The following SPTLC2 variants were observed in gnomAD, a reference collection of about 807,000 sequenced individuals.
SPTLC2 encodes the protein serine palmitoyltransferase long chain base subunit 2.
Under a neutral mutation model 62.0 loss-of-function variants are expected in SPTLC2, and 21 were observed. The observed-to-expected ratio is 0.34, with a 90% CI of 0.24 to 0.49. The LOEUF (loss-of-function observed/expected upper bound fraction) is 0.49. Ranked by LOEUF, SPTLC2 falls within the 20% of genes least tolerant of loss-of-function variation. The pLI is 0.99. For missense variants in SPTLC2, 511 were observed against 713.0 expected, an observed-to-expected ratio of 0.72 and a Z score of 3.23; for synonymous variants, 261 against 261.8, an observed-to-expected ratio of 1.00 and a Z score of 0.03.
chr14:77,563,992 C>A (rs1207293589), intron 5 of SPTLC2, among the ~76,000 whole-genome samples: 3 of 152,046 alleles, frequency 2.0e-5, no homozygotes, highest in Non-Finnish European at 4.4e-5. Flanking sequence ...TGGCTCATGC[C>A]TGTAATCCTG....
chr14:77,570,222 C>CAAAAAAAAAAAAAAAAAAAAAA (rs35086251), intron 5 of SPTLC2, among the ~76,000 whole-genome samples, 162 bp downstream of exon 5: 1 of 111,404 alleles, frequency 9.0e-6, no homozygotes. Context: ...GACTCCATCT[C>CAAAAAAAAAAAAAAAAAAAAAA]AAAAAAAAAA....
chr14:77,536,560 A>T (rs945366623), intron 9 of SPTLC2, among the ~76,000 whole-genome samples: 4 of 152,226 alleles, frequency 2.6e-5, no homozygotes, highest in African/African-American at 4.8e-5. Flanking sequence ...TCACTCAAAA[A>T]GAAACCAGTA....
chr14:77,602,852 G>A (rs1405657075), intron 1 of SPTLC2, among the ~76,000 whole-genome samples: 3 of 152,028 alleles, frequency 2.0e-5, no homozygotes, highest in Non-Finnish European at 4.4e-5. Context: ...GGGATTACAG[G>A]CATGAGCCAC....
chr14:77,532,250 C>G (rs2079444542), intron 9 of SPTLC2, among the ~76,000 whole-genome samples: 1 of 152,104 alleles, frequency 6.6e-6, no homozygotes. Context: ...TGTCCTGAGG[C>G]AAGAAATGAA....
chr14:77,579,002 C>T lies in SPTLC2; in HGVS notation c.435G>A (p.Arg145=). ...NRPICSVPGA[R]VDIMERQSHD... is the part of the protein sequence containing the mutation. ...GAGACTGTCTCTCCATGATGTCCAC[C>T]CTGGCTCCAGGCACACTACAGATTG... is the stretch of plus-strand genomic sequence containing the variant. The change falls in exon 3 of 12, where the codon AGG becomes AGA. Residue 145 remains arginine (R), a synonymous_variant. Transcript: ENST00000216484. 6.2e-7 allele frequency: 1 copy of T among 1,614,054 alleles called. No individual in the cohort carries two copies. The highest frequency in any genetic ancestry group is 8.5e-7 in the Non-Finnish European group (1 of 1,180,020).
chr14:77,578,982 T>C lies in SPTLC2; in HGVS notation c.455A>G (p.Gln152Arg), dbSNP rs2079732655. ...PGARVDIMERQSHDYNWSFKY... is the reference protein window; with the variant it reads ...PGARVDIMERRSHDYNWSFKY... ...GAAGGACCAGTTATAATCATGAGACTGTCTCTCCATGATGTCCACCCTGGC... is the reference window on the plus strand; with the variant it reads ...GAAGGACCAGTTATAATCATGAGACCGTCTCTCCATGATGTCCACCCTGGC... The change falls in exon 3 of 12, where the codon CAG (glutamine) becomes CGG (arginine). Residue 152 changes from glutamine to arginine, a missense_variant. Coordinates refer to ENST00000216484, the MANE Select transcript of SPTLC2 (RefSeq NM_004863.4). 1 of 1,614,088 alleles carries C rather than the reference T, an allele frequency of 6.2e-7. No homozygotes were observed.
Position 77,591,730 on chromosome 14 carries a change from G to GTATGTATTTATT in SPTLC2, c.327+5455_327+5456insAATAAATACATA, listed in dbSNP as rs372095112. ...TGTATGTATGTATGTATGTATGTAT[G>GTATGTATTTATT]TATTTATTTTTAGACGGAGTTTCTC... On this transcript the variant is annotated intron_variant, in intron 2 of 11. Coordinates refer to ENST00000216484, the MANE Select transcript of SPTLC2 (RefSeq NM_004863.4). 6.4e-3 allele frequency among the ~76,000 whole-genome samples: 842 copies of GTATGTATTTATT among 131,242 alleles called. 4 individuals are homozygous for GTATGTATTTATT. Among genetic ancestry groups the GTATGTATTTATT allele is most frequent in the Middle Eastern group, 0.021 (6 of 280 alleles). The allele number at this position is 131,242 out of a possible 152,430, so 86.1% of individuals were successfully genotyped here. A position where few individuals can be genotyped will look rare whatever the true frequency, so the allele number is the denominator to read the frequency against.
At chr14:77,586,538 T>C (rs927570619) in intron 2 of SPTLC2, among the ~76,000 whole-genome samples, 1 of 152,196 alleles carries the variant, frequency 6.6e-6, no homozygotes, top group African/African-American at 2.4e-5. Context: ...CAAAATGTGG[T>C]ATATCCACAT....
At chr14:77,578,838 T>C in intron 3 of SPTLC2, 117 bp downstream of exon 3, 4 of 1,069,370 alleles carry the variant, frequency 3.7e-6, no homozygotes, top group Non-Finnish European at 5.7e-6. Flanking sequence ...CCAATCATAT[T>C]GTATCCTCAG....
chr14:77,568,835 G>A (rs1048367570), intron 5 of SPTLC2, among the ~76,000 whole-genome samples: 1 of 151,608 alleles, frequency 6.6e-6, no homozygotes, highest in African/African-American at 2.4e-5. Flanking sequence ...AGAGAGAGGG[G>A]TTAATGTCTC....
intron 1 of SPTLC2, among the ~76,000 whole-genome samples, chr14:77,614,595 T>A (rs1034403086): frequency 6.7e-6 from 1 of 149,354 alleles, no homozygotes. Context: ...ACCTGGGAGG[T>A]AGAGCTTGCA....
At chr14:77,601,474 C>T (rs1162241015) in intron 1 of SPTLC2, among the ~76,000 whole-genome samples, 1 of 152,208 alleles carries the variant, frequency 6.6e-6, no homozygotes, top group African/African-American at 2.4e-5. Context: ...TTTGCTGACT[C>T]CTTTTTTGGA....
chr14:77,584,401 T>C (rs999445387), intron 2 of SPTLC2, among the ~76,000 whole-genome samples: 4 of 152,222 alleles, frequency 2.6e-5, no homozygotes, highest in African/African-American at 4.8e-5. Flanking sequence ...AGAGTGCCCA[T>C]CTACTGAGTA....
In SPTLC2 at chr14:77,616,458, G is replaced by A. The variant is rs1397356644; in HGVS notation, c.122C>T (p.Ala41Val). 2.7e-6 allele frequency: 4 copies of A among 1,484,958 alleles called. No homozygotes were observed. In the South Asian group the frequency reaches 3.8e-5, roughly 14 times the overall value. The allele number at this position is 1,484,958 out of a possible 1,614,324, so 92.0% of individuals were successfully genotyped here. ...GCGGGCCCCTCGTACCTGGCCGGCG[G>A]CGGCTGCGGCTGCGGCTGCAGCGCT... is the stretch of plus-strand genomic sequence containing the variant. ...RSSAAAAAAA[A>V]AGQIHHVTQN... Residue 41 changes from alanine (A) to valine (V), a missense_variant, in exon 1 of 12, where the codon GCC becomes GTC. Physicochemically the swap from Ala to Val is moderately conservative, Grantham distance 64. Transcript: ENST00000216484.
chr14:77,563,124 C>T (rs185359831), intron 5 of SPTLC2, among the ~76,000 whole-genome samples: 109 of 152,070 alleles, frequency 7.2e-4, no homozygotes, highest in African/African-American at 2.6e-3. Flanking sequence ...TTCCATCTCT[C>T]AGGGGGCCCT....
chr14:77,534,695 C>T (rs754319698), intron 9 of SPTLC2, among the ~76,000 whole-genome samples: 32 of 150,868 alleles, frequency 2.1e-4, no homozygotes, highest in Non-Finnish European at 3.7e-4. Context: ...GAAGACTACA[C>T]AAAAAGGGGA....
intron 9 of SPTLC2, among the ~76,000 whole-genome samples, chr14:77,546,740 CT>C (rs11431131): frequency 6.7e-6 from 1 of 149,236 alleles, no homozygotes. Context: ...TGGTAAAACA[CT>C]TTTTTTTTTT....
intron 6 of SPTLC2, among the ~76,000 whole-genome samples, chr14:77,561,730 T>C (rs1336410546): frequency 6.6e-6 from 1 of 152,176 alleles, no homozygotes; most frequent in Non-Finnish European, 1.5e-5. Flanking sequence ...GATGTTATCA[T>C]CTATGATCCT....
chr14:77,591,145 A>C (rs946418110), intron 2 of SPTLC2, among the ~76,000 whole-genome samples: 2 of 152,370 alleles, frequency 1.3e-5, no homozygotes, highest in Middle Eastern at 6.8e-3. Flanking sequence ...ATAGGAAGCA[A>C]TGAAGTACCG....
Sources: gnomAD v4.1 joint callset for allele counts (sites outside exome capture counted in the v4.1 genomes callset) on GRCh38, gnomAD v4.1.1 for gene constraint, MANE v1.5 for transcripts, NCBI Gene and HGNC (gene_info 2026-07-23, HGNC 2026-07-21) for gene names.